The following GPR107 variants were observed in gnomAD, a reference collection of about 807,000 sequenced individuals.
The protein encoded by GPR107 is G protein-coupled receptor 107.
A neutral mutation model predicts 75.5 loss-of-function variants in GPR107; 31 were observed. The observed-to-expected ratio is 0.41, with a 90% CI of 0.31 to 0.55. The LOEUF (loss-of-function observed/expected upper bound fraction) is 0.55. Ranked by LOEUF, GPR107 falls within the 20% of genes least tolerant of loss-of-function variation. The pLI, the probability that GPR107 is intolerant of heterozygous loss-of-function variation, is 0.26. For missense variants in GPR107, 572 were observed against 665.7 expected, an observed-to-expected ratio of 0.86 and a Z score of 1.55; for synonymous variants, 267 against 251.3, an observed-to-expected ratio of 1.06 and a Z score of -0.59.
intron 6 of GPR107, among the ~76,000 whole-genome samples, chr9:130,084,145 C>T (rs487416): frequency 0.012 from 1,795 of 150,532 alleles, 24 homozygotes; most frequent in Middle Eastern, 0.056. Context: ...ATGCCGTAAT[C>T]CCAGCACTTT....
intron 2 of GPR107, among the ~76,000 whole-genome samples, chr9:130,076,110 G>A (rs1830344172): frequency 6.6e-6 from 1 of 152,178 alleles, no homozygotes; most frequent in African/African-American, 2.4e-5. Context: ...TTAGGTGAGA[G>A]TCACCTTCCA....
chr9:130,059,333 C>G (rs1829872551), intron 1 of GPR107, among the ~76,000 whole-genome samples: 1 of 152,038 alleles, frequency 6.6e-6, no homozygotes, highest in Non-Finnish European at 1.5e-5. Context: ...ACTAAAAATA[C>G]AAAAATTAGC....
intron 9 of GPR107, among the ~76,000 whole-genome samples, chr9:130,096,750 G>A (rs776788327): frequency 3.3e-5 from 5 of 152,144 alleles, no homozygotes; most frequent in Admixed American, 6.5e-5. Context: ...GAGCCACTGC[G>A]TCTGGCCTGA....
intron 1 of GPR107, 56 bp from the exon 2 acceptor site, chr9:130,075,580 A>T: frequency 1.1e-6 from 1 of 929,008 alleles, no homozygotes; most frequent in Non-Finnish European, 1.8e-6. Context: ...TGAATAGGTT[A>T]AATAATCAAA....
At chr9:130,134,466 C>A (rs1408138203) in intron 17 of GPR107, among the ~76,000 whole-genome samples, 1 of 152,240 alleles carries the variant, frequency 6.6e-6, no homozygotes, top group Admixed American at 6.5e-5. Flanking sequence ...CGCTGAGGCA[C>A]AGCCACATGG....
At chr9:130,105,454 G>A (rs192606204) in intron 13 of GPR107, among the ~76,000 whole-genome samples, 3 of 152,000 alleles carry the variant, frequency 2.0e-5, no homozygotes, top group South Asian at 4.1e-4. Flanking sequence ...ACAGGGTTTC[G>A]CCATTTTGGC....
intron 1 of GPR107, among the ~76,000 whole-genome samples, chr9:130,071,694 G>GT (rs1830215898): frequency 2.6e-5 from 4 of 151,910 alleles, no homozygotes; most frequent in Admixed American, 6.6e-5. Context: ...GTTTTGTTTT[G>GT]TTTTTTGCGA....
chr9:130,121,192 CAA>C (rs1564683082), intron 14 of GPR107, among the ~76,000 whole-genome samples: 1 of 145,776 alleles, frequency 6.9e-6, no homozygotes, highest in East Asian at 1.9e-4. Context: ...CAAAACAAAA[CAA>C]AACAAAACAA....
Position 130,092,342 on chromosome 9 carries a change from T to C in GPR107, c.824T>C (p.Leu275Pro). 6.2e-7 allele frequency: 1 copy of C among 1,612,452 alleles called. No individual in the cohort carries two copies. Among genetic ancestry groups the C allele is most frequent in the Non-Finnish European group, 8.5e-7 (1 of 1,178,410 alleles). Residue 275 changes from leucine (L) to proline (P), a missense_variant, in exon 9 of 18, where the codon CTT (leucine) becomes CCT (proline). Transcript: ENST00000347136. ...ATCTCAATGGCCTTTTTCTTCTTTC[T>C]TTCTGGGACCATCTGGATTCATATC... ...LYISMAFFFF[L>P]SGTIWIHILR...
At position 130,135,340 on chromosome 9, in the gene GPR107, G is replaced by A. The variant is rs1588090665; in HGVS notation, c.*219G>A. 4 of 470,680 alleles carry A rather than the reference G, an allele frequency of 8.5e-6. No homozygotes were observed. Among genetic ancestry groups the A allele is most frequent in the South Asian group, 3.7e-5 (1 of 27,328 alleles). 29.2% of individuals were successfully genotyped at this position (470,680 alleles called of 1,614,324 possible). A position where few individuals can be genotyped will look rare whatever the true frequency, so the allele number is the denominator to read the frequency against. ...GAGGCAGCTGGATCCTCTTTCAGGCGGGAATGGGAGGGCGGGCACAGGGAG... is the reference window on the plus strand; with the variant it reads ...GAGGCAGCTGGATCCTCTTTCAGGCAGGAATGGGAGGGCGGGCACAGGGAG... On this transcript the variant is annotated 3_prime_UTR_variant, in exon 18 of 18. Coordinates refer to ENST00000347136, the MANE Select transcript of GPR107 (RefSeq NM_020960.5).
chr9:130,071,087 G>A (rs899947833), intron 1 of GPR107, among the ~76,000 whole-genome samples: 5 of 145,840 alleles, frequency 3.4e-5, no homozygotes, highest in African/African-American at 1.3e-4. Context: ...GCAGGCTGGA[G>A]TGCAGTGATG....
At chr9:130,133,421 T>C (rs1355863325) in intron 17 of GPR107, among the ~76,000 whole-genome samples, 2 of 152,216 alleles carry the variant, frequency 1.3e-5, no homozygotes, top group Admixed American at 6.5e-5. Context: ...GTGTGATTAC[T>C]GGAGTGTTTC....
intron 8 of GPR107, among the ~76,000 whole-genome samples, chr9:130,091,299 G>A (rs781692211): frequency 2.0e-5 from 3 of 152,016 alleles, no homozygotes; most frequent in Non-Finnish European, 4.4e-5. Context: ...GACCAGTGTG[G>A]GCAATATGGC....
intron 7 of GPR107, 101 bp from the exon 8 acceptor site, chr9:130,090,775 T>A: frequency 1.8e-6 from 1 of 545,300 alleles, no homozygotes; most frequent in East Asian, 3.1e-5. Context: ...GAGTAGAATT[T>A]GAACAAAAAA....
At chr9:130,120,319 G>C (rs543898162) in intron 14 of GPR107, among the ~76,000 whole-genome samples, 2 of 152,266 alleles carry the variant, frequency 1.3e-5, no homozygotes, top group Non-Finnish European at 2.9e-5. Context: ...CCCTTCAGAG[G>C]GTGTCTTGCC....
At chr9:130,128,838 G>A (rs1295472039) in intron 17 of GPR107, 77 bp downstream of exon 17, 27 of 1,334,102 alleles carry the variant, frequency 2.0e-5, no homozygotes, top group Admixed American at 7.8e-5. Context: ...GAATCGGGTC[G>A]GCTGCTCTCA....
At chr9:130,063,518 T>A (rs1698561970) in intron 1 of GPR107, among the ~76,000 whole-genome samples, 1 of 152,100 alleles carries the variant, frequency 6.6e-6, no homozygotes, top group Admixed American at 6.5e-5. Context: ...TATTTAAAAT[T>A]TTTTTCAGTT....
At chr9:130,097,488 C>G (rs1830904627) in intron 9 of GPR107, among the ~76,000 whole-genome samples, 1 of 151,988 alleles carries the variant, frequency 6.6e-6, no homozygotes, top group Non-Finnish European at 1.5e-5. Context: ...AGATTGCCTT[C>G]CAGTGTGGCA....
chr9:130,076,352 G>A (rs1564663891), intron 2 of GPR107, 60 bp from the exon 3 acceptor site: 10 of 1,047,248 alleles, frequency 9.5e-6, no homozygotes, highest in Non-Finnish European at 1.3e-5. Context: ...TGCTTTTTGA[G>A]TAAGAAAAGT....
Sources: gnomAD v4.1 joint callset for allele counts (sites outside exome capture counted in the v4.1 genomes callset) on GRCh38, gnomAD v4.1.1 for gene constraint, MANE v1.5 for transcripts, NCBI Gene and HGNC (gene_info 2026-07-23, HGNC 2026-07-21) for gene names.